ABCC1: variants seen among roughly 807,000 people sequenced by gnomAD.
ABCC1 encodes ATP binding cassette subfamily C member 1 (ABCC1 blood group).
In ABCC1, 83 loss-of-function variants were observed where a neutral mutation model predicts 172.9. The ratio of observed to expected loss-of-function variants is 0.48; its 90% CI spans 0.40 to 0.58. ABCC1 has a LOEUF of 0.58. ABCC1 is among the 20% of genes least tolerant of loss of function. The pLI, the probability that ABCC1 is intolerant of heterozygous loss-of-function variation, is 0.00. For synonymous variants in ABCC1, 937 were observed against 825.2 expected (o/e 1.14, Z -2.32); for missense variants, 1,817 against 2,002.7 (o/e 0.91, Z 1.77).
At chr16:15,971,879 T>G (rs1416520964) in intron 1 of ABCC1, among the ~76,000 whole-genome samples, 3 of 152,008 alleles carry the variant, frequency 2.0e-5, no homozygotes, top group Non-Finnish European at 4.4e-5. Context: ...TGGAGTGGTT[T>G]TAAGGAGTGG....
chr16:16,027,766 T>G (rs1310277385), intron 5 of ABCC1, among the ~76,000 whole-genome samples: 1 of 152,132 alleles, frequency 6.6e-6, no homozygotes, highest in Non-Finnish European at 1.5e-5. Flanking sequence ...AGAGCTATGA[T>G]TACACTACCG....
At chr16:16,003,657 C>T (rs1230775513) in intron 1 of ABCC1, among the ~76,000 whole-genome samples, 20 of 86,738 alleles carry the variant, frequency 2.3e-4, no homozygotes, top group Admixed American at 7.0e-4. Context: ...GATGGATGAA[C>T]TGGTGGGTGG....
intron 19 of ABCC1, among the ~76,000 whole-genome samples, chr16:16,093,845 G>A (rs1235529969): frequency 6.6e-6 from 1 of 152,028 alleles, no homozygotes; most frequent in Admixed American, 6.6e-5. Context: ...TTGGTATTTG[G>A]TTTGGGAGAA....
At chr16:16,105,869 C>T (rs113492891) in intron 20 of ABCC1, among the ~76,000 whole-genome samples, 135 of 133,154 alleles carry the variant, frequency 1.0e-3, no homozygotes, top group Non-Finnish European at 1.6e-3. Flanking sequence ...CACTGATGTG[C>T]GAAAAGTGCT....
intron 1 of ABCC1, among the ~76,000 whole-genome samples, chr16:15,993,896 C>A (rs1017198281): frequency 6.6e-6 from 1 of 152,106 alleles, no homozygotes; most frequent in Non-Finnish European, 1.5e-5. Context: ...TGCCTCCAAG[C>A]GACCTCAGGC....
intron 26 of ABCC1, among the ~76,000 whole-genome samples, chr16:16,127,213 CTT>C (rs756943883): frequency 5.3e-5 from 8 of 152,152 alleles, no homozygotes; most frequent in Non-Finnish European, 1.2e-4. Flanking sequence ...TGCACTCAGT[CTT>C]TACCCCGCTC....
At chr16:16,036,413 C>G in intron 6 of ABCC1, 59 bp from the exon 7 acceptor site, 35 of 1,543,040 alleles carry the variant, frequency 2.3e-5, no homozygotes, top group Non-Finnish European at 2.9e-5. Context: ...TGAGCCCCGT[C>G]CTCCCCCTCC....
At chr16:16,035,585 G>A (rs1365025179) in intron 6 of ABCC1, among the ~76,000 whole-genome samples, 1 of 151,138 alleles carries the variant, frequency 6.6e-6, no homozygotes, top group Admixed American at 6.6e-5. Context: ...CCACCTCCTG[G>A]CCTTGAGCAA....
chr16:16,088,107 T>A (rs191889064), intron 18 of ABCC1, among the ~76,000 whole-genome samples: 1 of 145,446 alleles, frequency 6.9e-6, no homozygotes, highest in Non-Finnish European at 1.5e-5. Flanking sequence ...TATCTTCTTA[T>A]AATATATGTG....
At chr16:15,955,772 TG>T (rs1411153709) in intron 1 of ABCC1, among the ~76,000 whole-genome samples, 1 of 152,126 alleles carries the variant, frequency 6.6e-6, no homozygotes, top group Non-Finnish European at 1.5e-5. Flanking sequence ...CGTAATATTT[TG>T]CTTAAGTATT....
intron 1 of ABCC1, among the ~76,000 whole-genome samples, chr16:15,992,238 C>T (rs938424130): frequency 2.1e-5 from 3 of 140,796 alleles, no homozygotes; most frequent in Non-Finnish European, 4.7e-5. Flanking sequence ...GGGCTCCCAC[C>T]GATTCTACAT....
At chr16:16,006,941 GGCA>G (rs1162275619) in intron 1 of ABCC1, among the ~76,000 whole-genome samples, 5 of 151,724 alleles carry the variant, frequency 3.3e-5, no homozygotes, top group Non-Finnish European at 5.9e-5. Context: ...TGATGGTGTT[GGCA>G]GTGATATTGG....
intron 1 of ABCC1, among the ~76,000 whole-genome samples, chr16:15,992,851 G>T (rs563940390): frequency 2.0e-5 from 3 of 152,222 alleles, no homozygotes; most frequent in Admixed American, 6.5e-5. Context: ...GACTTCTCCC[G>T]CCCAATCTTG....
At chr16:15,987,844 T>C (rs1233194477) in intron 1 of ABCC1, among the ~76,000 whole-genome samples, 2 of 152,238 alleles carry the variant, frequency 1.3e-5, no homozygotes, top group Non-Finnish European at 2.9e-5. Flanking sequence ...TTCTCAGAAA[T>C]GCCAGGCCTG....
intron 6 of ABCC1, among the ~76,000 whole-genome samples, chr16:16,034,710 C>T (rs932530740): frequency 6.6e-6 from 1 of 150,824 alleles, no homozygotes; most frequent in Non-Finnish European, 1.5e-5. Flanking sequence ...GTCTCAGCCT[C>T]CTGAGTAGCT....
chr16:16,090,695 AG>A (rs1402714680), intron 19 of ABCC1, 107 bp downstream of exon 19: 2 of 1,263,298 alleles, frequency 1.6e-6, no homozygotes, highest in Non-Finnish European at 2.1e-6. Context: ...GCGGCTCCTC[AG>A]GGCATGAGGG....
rs779691108 is a variant in ABCC1, at chr16:16,111,359, C to G, written c.2872-16C>G. On this transcript the variant is annotated splice_polypyrimidine_tract_variant and intron_variant, in intron 21 of 30. Coordinates refer to ENST00000399410, the MANE Select transcript of ABCC1 (RefSeq NM_004996.4). ...GCGTGCATGTGCTAAGCTGCCTTAT[C>G]TCCTGTGATCTCCAGGTCAAGCTTT... The G allele has an allele frequency of 6.2e-7, 1 of 1,612,734 alleles. No individual in the cohort carries two copies. Among genetic ancestry groups the G allele is most frequent in the South Asian group, 1.1e-5 (1 of 91,046 alleles).
intron 23 of ABCC1, among the ~76,000 whole-genome samples, chr16:16,119,456 C>T (rs2045055065): frequency 6.6e-6 from 1 of 151,958 alleles, no homozygotes; most frequent in Non-Finnish European, 1.5e-5. Context: ...ATCAGATCGG[C>T]AGGGCAGGTG....
chr16:16,142,520 G>T lies in ABCC1; in HGVS notation c.*1239G>T, dbSNP rs1050919630. 4 of 152,138 alleles carry T rather than the reference G, an allele frequency of 2.6e-5. No homozygotes were observed. Among genetic ancestry groups the T allele is most frequent in the Admixed American group, 2.0e-4 (3 of 15,278 alleles). 9.4% of individuals were successfully genotyped at this position (152,138 alleles called of 1,614,324 possible). On this transcript the variant is annotated 3_prime_UTR_variant, in exon 31 of 31. Transcript: ENST00000399410. ...TTGGCATCCGGTTAGCCCCCCAGGG[G>T]GGGCAGCATTGTGGAGAACTTGATA...
Sources: allele counts gnomAD v4.1 joint callset (sites outside exome capture counted in the v4.1 genomes callset), GRCh38; gene constraint gnomAD v4.1.1; transcripts MANE v1.5; gene names NCBI Gene and HGNC (gene_info 2026-07-23, HGNC 2026-07-21).